BMAL1: variants seen among roughly 807,000 people sequenced by gnomAD.
The protein encoded by BMAL1 is basic helix-loop-helix ARNT-like protein 1.
At chr11:13,336,668 A>G in the BMAL1 span, among the ~76,000 whole-genome samples, 1 of 152,250 alleles carries the variant, frequency 6.6e-6, no homozygotes, top group Non-Finnish European at 1.5e-5. Flanking sequence ...GCTGCCCAGC[A>G]CTGACTGTAC....
At chr11:13,378,410 C>A in the BMAL1 span, 1 of 1,613,086 alleles carries the variant, frequency 6.2e-7, no homozygotes, top group Admixed American at 1.7e-5. Flanking sequence ...GAAAAATAGG[C>A]CGAATGATTG....
chr11:13,310,316 AG>A, the BMAL1 span, among the ~76,000 whole-genome samples: 1 of 152,046 alleles, frequency 6.6e-6, no homozygotes, highest in Non-Finnish European at 1.5e-5. Flanking sequence ...CCTTATGGAG[AG>A]GTGGAGCTTT....
chr11:13,300,287 C>T, the BMAL1 span, among the ~76,000 whole-genome samples: 1 of 152,196 alleles, frequency 6.6e-6, no homozygotes, highest in Non-Finnish European at 1.5e-5. Context: ...ATTAAGCCAT[C>T]TCTGTGTATT....
the BMAL1 span, among the ~76,000 whole-genome samples, chr11:13,289,664 A>G: frequency 6.6e-6 from 1 of 152,328 alleles, no homozygotes; most frequent in South Asian, 2.1e-4. Flanking sequence ...TAGTTTGCTC[A>G]GAATGATGGT....
chr11:13,331,311 C>T, the BMAL1 span, among the ~76,000 whole-genome samples: 2 of 152,224 alleles, frequency 1.3e-5, no homozygotes, highest in Non-Finnish European at 2.9e-5. Context: ...ACATCAGTTG[C>T]TCTCTGACCC....
At chr11:13,295,347 G>C in the BMAL1 span, among the ~76,000 whole-genome samples, 3 of 141,148 alleles carry the variant, frequency 2.1e-5, no homozygotes, top group African/African-American at 7.5e-5. Flanking sequence ...GAGAGAGAGA[G>C]ACGATTAGCA....
At chr11:13,370,577 G>C in the BMAL1 span, among the ~76,000 whole-genome samples, 869 of 152,252 alleles carry the variant, frequency 5.7e-3, 4 homozygotes, top group African/African-American at 0.019. Context: ...AATCCCGTTA[G>C]TTATGAAGTC....
the BMAL1 span, among the ~76,000 whole-genome samples, chr11:13,284,447 C>T: frequency 6.7e-6 from 1 of 150,252 alleles, no homozygotes; most frequent in African/African-American, 2.5e-5. Flanking sequence ...CACAGGCCGT[C>T]CTGAATATAA....
At chr11:13,386,769 G>A in the BMAL1 span, 4 of 1,611,942 alleles carry the variant, frequency 2.5e-6, no homozygotes, top group Non-Finnish European at 2.5e-6. Flanking sequence ...ACTACATGTT[G>A]CTTTGGCAAC....
the BMAL1 span, among the ~76,000 whole-genome samples, chr11:13,290,740 C>G: frequency 0.92 from 140,530 of 152,012 alleles, 65,414 homozygotes; most frequent in East Asian, 1. Context: ...GAAACTCAGA[C>G]GAGCTTCAGC....
At chr11:13,322,365 C>G in the BMAL1 span, among the ~76,000 whole-genome samples, 1 of 152,254 alleles carries the variant, frequency 6.6e-6, no homozygotes, top group East Asian at 1.9e-4. Flanking sequence ...TCTTGAAGCT[C>G]TTTTTTGTTA....
the BMAL1 span, among the ~76,000 whole-genome samples, chr11:13,319,942 C>A: frequency 6.6e-6 from 1 of 152,232 alleles, no homozygotes; most frequent in Non-Finnish European, 1.5e-5. Context: ...TTGCCTACAA[C>A]ACCCCATGGC....
chr11:13,284,488 C>T, the BMAL1 span, among the ~76,000 whole-genome samples: 4 of 150,994 alleles, frequency 2.6e-5, no homozygotes, highest in Admixed American at 6.6e-5. Flanking sequence ...CATGGAAGGA[C>T]GTGCCCTGCC....
At chr11:13,371,674 T>C in the BMAL1 span, among the ~76,000 whole-genome samples, 1 of 152,222 alleles carries the variant, frequency 6.6e-6, no homozygotes, top group South Asian at 2.1e-4. Flanking sequence ...TAGAAAGTAA[T>C]CCAAGGCCCT....
At chr11:13,370,000 GTTTCT>G in the BMAL1 span, among the ~76,000 whole-genome samples, 1 of 152,142 alleles carries the variant, frequency 6.6e-6, no homozygotes, top group Admixed American at 6.5e-5. Flanking sequence ...TTTAAATTGT[GTTTCT>G]TTTAACATGA....
chr11:13,366,659 C>G, the BMAL1 span: 2 of 1,609,460 alleles, frequency 1.2e-6, no homozygotes, highest in Non-Finnish European at 1.7e-6. Flanking sequence ...CATTTCATCT[C>G]CCCAGAATGA....
At chr11:13,381,109 A>G in the BMAL1 span, 1 of 1,574,958 alleles carries the variant, frequency 6.3e-7, no homozygotes, top group Non-Finnish European at 8.7e-7. Flanking sequence ...TTAACAAAGC[A>G]CATACACTCC....
At chr11:13,377,475 T>C in the BMAL1 span, among the ~76,000 whole-genome samples, 1 of 152,192 alleles carries the variant, frequency 6.6e-6, no homozygotes, top group Non-Finnish European at 1.5e-5. Context: ...CTATTGCTAT[T>C]TCACCCTCCT....
the BMAL1 span, among the ~76,000 whole-genome samples, chr11:13,322,516 T>C: frequency 6.6e-6 from 1 of 152,214 alleles, no homozygotes; most frequent in Non-Finnish European, 1.5e-5. Flanking sequence ...ATAATTTCTT[T>C]TGCATTTCTT....
Sources: gnomAD v4.1 joint callset for allele counts (sites outside exome capture counted in the v4.1 genomes callset) on GRCh38, gnomAD v4.1.1 for gene constraint, MANE v1.5 for transcripts, NCBI Gene and HGNC (gene_info 2026-07-23, HGNC 2026-07-21) for gene names.